Variants in LRP5 observed in about 807,000 individuals in gnomAD.
The protein encoded by LRP5 is low-density lipoprotein receptor-related protein 5.
A neutral mutation model predicts 154.1 loss-of-function variants in LRP5; 62 were observed. That is an observed-to-expected ratio of 0.40 (90% confidence interval 0.33 to 0.50). The LOEUF (loss-of-function observed/expected upper bound fraction) is 0.50, where lower values mean the gene tolerates loss of function less well. Among genes scored for constraint, LRP5 ranks in the 20% least tolerant of loss-of-function variants. The pLI is 0.55. For missense variants in LRP5, 1,915 were observed against 2,336.7 expected (o/e 0.82, Z 3.72); for synonymous variants, 966 against 1,011.5 (o/e 0.96, Z 0.85).
rs2098602887 is a variant in LRP5 at position 68,331,699 on chromosome 11, G to A, written c.92-16148G>A. Among the ~76,000 whole-genome samples, 3 of 152,196 alleles carry A rather than the reference G, an allele frequency of 2.0e-5. 1 individual carries two copies. Among genetic ancestry groups the A allele is most frequent in the Non-Finnish European group, 2.9e-5 (2 of 68,016 alleles). On this transcript the variant is annotated intron_variant, in intron 1 of 22. Coordinates refer to ENST00000294304, the MANE Select transcript of LRP5 (RefSeq NM_002335.4). Reference sequence around the variant, plus strand: ...GACCTTTGAAATGTGGTCCCTGCTCGGGAAACTTGCCTGGACCTCAGTCAA... The same window carrying A: ...GACCTTTGAAATGTGGTCCCTGCTCAGGAAACTTGCCTGGACCTCAGTCAA...
chr11:68,416,332 C>G lies in LRP5; in HGVS notation c.2832C>G (p.Pro944=). The G allele has an allele frequency of 6.2e-7, 1 of 1,614,016 alleles. No individual in the cohort carries two copies. The change falls in exon 13 of 23, where the codon CCC becomes CCG. Residue 944 remains proline, a synonymous_variant. Transcript: ENST00000294304. ...LDPSSRNCSP[P]TTFLLFSQKS... is the part of the protein sequence containing the mutation. ...CCCTGTCTTTGCCTCCTCTAGCGCC[C>G]ACCACCTTCTTGCTGTTCAGCCAGA... is the stretch of plus-strand genomic sequence containing the variant.
chr11:68,313,071 C>CG (rs1283573222), intron 1 of LRP5, among the ~76,000 whole-genome samples: 11 of 147,240 alleles, frequency 7.5e-5, no homozygotes, highest in African/African-American at 2.7e-4. Context: ...GCGGCGCGGG[C>CG]GGGTCCTCAC....
At chr11:68,397,974 G>GTT (rs1554968644) in intron 7 of LRP5, among the ~76,000 whole-genome samples, 1 of 130,316 alleles carries the variant, frequency 7.7e-6, no homozygotes, top group East Asian at 2.0e-4. Context: ...GTGTGTGTTT[G>GTT]TGTGTGTGTG....
intron 2 of LRP5, among the ~76,000 whole-genome samples, chr11:68,349,655 G>T (rs562903875): frequency 1.3e-5 from 2 of 152,286 alleles, no homozygotes; most frequent in South Asian, 2.1e-4. Flanking sequence ...GATCCCAGGT[G>T]GGGAGAGCGT....
chr11:68,399,428 C>T (rs911567401), intron 7 of LRP5, among the ~76,000 whole-genome samples: 6 of 152,122 alleles, frequency 3.9e-5, no homozygotes, highest in African/African-American at 9.7e-5. Context: ...TGTTCAGTCA[C>T]GTGCTCTCCA....
At position 68,379,774 on chromosome 11, in the gene LRP5, G is replaced by A. The variant is rs537211739; in HGVS notation, c.1016-6542G>A. Among the ~76,000 whole-genome samples the A allele has an allele frequency of 2.0e-5, 3 of 152,254 alleles. No individual in the cohort carries two copies. The South Asian group carries it at 6.2e-4, about 32-fold the overall frequency. On this transcript the variant is annotated intron_variant, in intron 5 of 22. Transcript: ENST00000294304. ...GTACAGAGAGTTCCTTCCACCTGCTGTCCTCCTCTCCTCCTCCCCACCTTC... is the reference window on the plus strand; with the variant it reads ...GTACAGAGAGTTCCTTCCACCTGCTATCCTCCTCTCCTCCTCCCCACCTTC...
At chr11:68,394,368 C>G (rs964268951) in intron 7 of LRP5, among the ~76,000 whole-genome samples, 1 of 152,156 alleles carries the variant, frequency 6.6e-6, no homozygotes, top group African/African-American at 2.4e-5. Flanking sequence ...GGAAGCGGAG[C>G]TGTCCAGGAA....
At chr11:68,346,399 G>C (rs2098612955) in intron 1 of LRP5, among the ~76,000 whole-genome samples, 1 of 152,252 alleles carries the variant, frequency 6.6e-6, no homozygotes, top group African/African-American at 2.4e-5. Context: ...GCCAGTGCTT[G>C]TCTTGGCAGG....
intron 5 of LRP5, among the ~76,000 whole-genome samples, chr11:68,382,348 C>T (rs192558231): frequency 4.6e-5 from 7 of 152,294 alleles, no homozygotes; most frequent in Admixed American, 2.0e-4. Context: ...TGGGACACCC[C>T]GCCAGAACCT....
At chr11:68,395,165 A>G (rs1453736229) in intron 7 of LRP5, among the ~76,000 whole-genome samples, 3 of 151,968 alleles carry the variant, frequency 2.0e-5, no homozygotes, top group Admixed American at 6.6e-5. Context: ...GCCAGGCGTG[A>G]TGGTGCATAC....
chr11:68,305,526 TC>T, the LRP5 span, among the ~76,000 whole-genome samples: 5 of 152,140 alleles, frequency 3.3e-5, no homozygotes, highest in Non-Finnish European at 7.4e-5. Flanking sequence ...CACTACAACC[TC>T]CTCCTCCCGG....
chr11:68,363,963 CG>C lies in LRP5; in HGVS notation c.883+25del, dbSNP rs2098629441. ...CTTTCTGTGAGTGCCGGCTGGGGCGCGGGGGCGAGGGTGCGGGGGCTGGGGG... is the reference window on the plus strand; with the variant it reads ...CTTTCTGTGAGTGCCGGCTGGGGCGCGGGGCGAGGGTGCGGGGGCTGGGGG... On this transcript the variant is annotated intron_variant, in intron 4 of 22. Transcript: ENST00000294304. The C allele has an allele frequency of 5.9e-6, 4 of 676,116 alleles. No homozygotes were observed. The highest frequency in any genetic ancestry group is 2.9e-5 in the Admixed American group (1 of 34,290). The allele number at this position is 676,116 out of a possible 1,614,324, so 41.9% of individuals were successfully genotyped here.
intron 2 of LRP5, among the ~76,000 whole-genome samples, chr11:68,354,698 C>T (rs1488178527): frequency 1.3e-5 from 2 of 152,236 alleles, no homozygotes; most frequent in Non-Finnish European, 2.9e-5. Flanking sequence ...TGGCCGGGCT[C>T]GGGCCCTCAG....
rs112676712 is a variant in LRP5 at position 68,353,434 on chromosome 11, CGGAGAGGGAGAG to C, written c.489-4202_489-4191del. 1.3e-5 allele frequency among the ~76,000 whole-genome samples: 2 copies of C among 152,122 alleles called. No individual in the cohort carries two copies. The highest frequency in any genetic ancestry group is 2.4e-5 in the African/African-American group (1 of 41,384). ...TCTGTCCCTGTAGGCTCCATGTCTC[CGGAGAGGGAGAG>C]GGAGAGGGAGAGGATTCCAGCCTGT... On this transcript the variant is annotated intron_variant, in intron 2 of 22. Transcript: ENST00000294304. The surrounding 1 kb of genome is among the most constrained non-coding windows in gnomAD (Gnocchi z 4.5).
intron 8 of LRP5, among the ~76,000 whole-genome samples, chr11:68,405,052 G>A (rs1243352718): frequency 5.3e-5 from 8 of 151,474 alleles, no homozygotes; most frequent in Non-Finnish European, 1.0e-4. Flanking sequence ...CTCACTACTC[G>A]AGAGGCTGAG....
At chr11:68,346,826 C>T (rs1344477062) in intron 1 of LRP5, among the ~76,000 whole-genome samples, 2 of 152,198 alleles carry the variant, frequency 1.3e-5, no homozygotes, top group Non-Finnish European at 2.9e-5. Flanking sequence ...ATCTTGTGTT[C>T]ACTCCTCATG....
chr11:68,308,628 T>C (rs997476068), upstream of LRP5, among the ~76,000 whole-genome samples: 12 of 152,160 alleles, frequency 7.9e-5, no homozygotes, highest in African/African-American at 2.2e-4. Flanking sequence ...CAGAATAAAA[T>C]AGTGCTGAAT....
Position 68,433,681 on chromosome 11 carries a change from C to T in LRP5, c.3843C>T (p.Asp1281=), listed in dbSNP as rs200373872. The T allele has an allele frequency of 3.2e-5, 51 of 1,613,320 alleles. No homozygotes were observed. Among genetic ancestry groups the T allele is most frequent in the East Asian group, 2.9e-4 (13 of 44,890 alleles). Residue 1281 remains aspartate (D), a synonymous_variant, in exon 18 of 23, where the codon GAC becomes GAT. Coordinates refer to ENST00000294304, the MANE Select transcript of LRP5 (RefSeq NM_002335.4). ...IDCIPGAWRC[D]GFPECDDQSD... ...GTATCCCCGGGGCCTGGCGCTGTGA[C>T]GGCTTTCCCGAGTGCGATGACCAGA...
intron 9 of LRP5, among the ~76,000 whole-genome samples, chr11:68,409,558 T>G (rs1476197492): frequency 6.6e-6 from 1 of 151,994 alleles, no homozygotes; most frequent in East Asian, 1.9e-4. Context: ...CAAAACACGC[T>G]GGTTCTGGCC....
Sources: allele counts gnomAD v4.1 joint callset (sites outside exome capture counted in the v4.1 genomes callset), GRCh38; gene constraint gnomAD v4.1.1; non-coding constraint Gnocchi (gnomAD v3.1); transcripts MANE v1.5; gene names NCBI Gene and HGNC (gene_info 2026-07-23, HGNC 2026-07-21).